The following ADCY8 variants were observed in gnomAD, a reference collection of about 807,000 sequenced individuals.
ADCY8 encodes the protein adenylate cyclase 8, also known as adenylate cyclase type 8.
A neutral mutation model predicts 119.7 loss-of-function variants in ADCY8; 51 were observed. The ratio of observed to expected loss-of-function variants is 0.43; its 90% CI spans 0.34 to 0.54. The LOEUF is 0.54. Among genes scored for constraint, ADCY8 ranks in the 20% least tolerant of loss-of-function variants. ADCY8 has a pLI of 0.03. For missense variants in ADCY8, 1,383 were observed against 1,598.8 expected (o/e 0.87, Z 2.30); for synonymous variants, 665 against 651.0 (o/e 1.02, Z -0.33).
intron 13 of ADCY8, 124 bp downstream of exon 13, chr8:130,821,218 C>A: frequency 2.8e-6 from 2 of 702,388 alleles, no homozygotes; most frequent in South Asian, 3.9e-5. Flanking sequence ...GGAATTGATT[C>A]TTTAAGAACC....
chr8:130,858,325 T>C (rs11989229), intron 9 of ADCY8, among the ~76,000 whole-genome samples: 60,537 of 152,010 alleles, frequency 0.4, 12,545 homozygotes, highest in African/African-American at 0.51. Context: ...TATGTCTCCT[T>C]AGGTGCCTCC....
intron 9 of ADCY8, among the ~76,000 whole-genome samples, chr8:130,867,094 A>G (rs934481608): frequency 6.6e-6 from 1 of 152,166 alleles, no homozygotes; most frequent in African/African-American, 2.4e-5. Context: ...GGAGAAGGCA[A>G]TTTAGCTGAG....
At chr8:130,985,372 T>G (rs1293578152) in intron 2 of ADCY8, among the ~76,000 whole-genome samples, 1 of 152,064 alleles carries the variant, frequency 6.6e-6, no homozygotes, top group African/African-American at 2.4e-5. Flanking sequence ...AACAAAGGCA[T>G]GAGTGTAGAG....
At chr8:131,034,128 C>T (rs904133160) in intron 1 of ADCY8, among the ~76,000 whole-genome samples, 18 of 151,906 alleles carry the variant, frequency 1.2e-4, no homozygotes, top group Admixed American at 4.6e-4. Flanking sequence ...CAAATGAGTA[C>T]GTACCTTGAT....
intron 11 of ADCY8, among the ~76,000 whole-genome samples, chr8:130,839,756 G>C (rs1431200482): frequency 7.2e-6 from 1 of 139,804 alleles, no homozygotes; most frequent in Non-Finnish European, 1.6e-5. Context: ...TGGGTATAAG[G>C]GGCTCATAGG....
Position 130,846,880 on chromosome 8 carries a change from CCCTTCCCTTTCCTT to C in ADCY8, c.2502+530_2502+543del, listed in dbSNP as rs1235814218. On this transcript the variant is annotated intron_variant, in intron 11 of 17. Coordinates refer to ENST00000286355, the MANE Select transcript of ADCY8 (RefSeq NM_001115.3). ...CCCCTCCCCTCCCTTCCCTTCCCTT[CCCTTCCCTTTCCTT>C]CCTTCCTTCCTTCCTTCCTTCCTTC... Among the ~76,000 whole-genome samples the C allele has an allele frequency of 5.9e-4, 14 of 23,812 alleles. 1 individual carries two copies. The highest frequency in any genetic ancestry group is 3.2e-3 in the African/African-American group (13 of 4,080). 15.6% of individuals were successfully genotyped at this position (23,812 alleles called of 152,430 possible). A position where few individuals can be genotyped will look rare whatever the true frequency, so the allele number is the denominator to read the frequency against.
intron 2 of ADCY8, among the ~76,000 whole-genome samples, chr8:130,987,624 A>T (rs962074284): frequency 4.6e-5 from 7 of 152,188 alleles, no homozygotes; most frequent in African/African-American, 1.7e-4. Flanking sequence ...TAGGATCATT[A>T]TCCAAGGAAA....
intron 2 of ADCY8, among the ~76,000 whole-genome samples, chr8:130,968,361 C>T (rs1383093371): frequency 2.0e-5 from 3 of 151,962 alleles, no homozygotes; most frequent in Non-Finnish European, 2.9e-5. Context: ...TTAGTAGAGA[C>T]GGGGTTCCAC....
intron 2 of ADCY8, among the ~76,000 whole-genome samples, chr8:130,968,480 G>T (rs1821830876): frequency 6.6e-6 from 1 of 152,092 alleles, no homozygotes; most frequent in Non-Finnish European, 1.5e-5. Context: ...CAGTTATTCT[G>T]CTTTTTATCA....
intron 1 of ADCY8, among the ~76,000 whole-genome samples, chr8:131,036,690 G>A (rs1430323847): frequency 6.6e-6 from 1 of 152,162 alleles, no homozygotes; most frequent in Admixed American, 6.5e-5. Context: ...GCATTTGAGA[G>A]TCTGGAACAA....
At chr8:131,021,315 A>C (rs1425620282) in intron 1 of ADCY8, among the ~76,000 whole-genome samples, 1 of 152,096 alleles carries the variant, frequency 6.6e-6, no homozygotes, top group African/African-American at 2.4e-5. Flanking sequence ...TATGGCTTCC[A>C]TCTCTCCTCA....
chr8:130,936,583 A>G (rs1820794229), intron 5 of ADCY8, among the ~76,000 whole-genome samples: 1 of 152,136 alleles, frequency 6.6e-6, no homozygotes, highest in Admixed American at 6.6e-5. Flanking sequence ...AGATCCTGTC[A>G]ATGTCCACCC....
Position 130,909,884 on chromosome 8 carries a change from T to A in ADCY8, c.1482-18A>T. The A allele has an allele frequency of 6.2e-7, 1 of 1,613,354 alleles. No homozygotes were observed. Among genetic ancestry groups the A allele is most frequent in the Non-Finnish European group, 8.5e-7 (1 of 1,179,668 alleles). On this transcript the variant is annotated intron_variant, in intron 5 of 17. Transcript: ENST00000286355. Reference sequence around the variant, plus strand: ...GCACATACCTGTTGACATAGGTAAATGGAGAGACACATGTATAAGACCAGA... The same window carrying A: ...GCACATACCTGTTGACATAGGTAAAAGGAGAGACACATGTATAAGACCAGA...
intron 8 of ADCY8, 66 bp downstream of exon 8, chr8:130,884,498 T>C: frequency 6.4e-7 from 1 of 1,551,900 alleles, no homozygotes; most frequent in Non-Finnish European, 8.9e-7. Context: ...GGGCTCTCTC[T>C]CTAGTCCCAT....
At chr8:130,813,629 C>T (rs182133900) in intron 14 of ADCY8, among the ~76,000 whole-genome samples, 13 of 152,178 alleles carry the variant, frequency 8.5e-5, no homozygotes, top group Admixed American at 3.3e-4. Flanking sequence ...TTTATCTATT[C>T]GTCCATCAGT....
chr8:130,819,361 C>T (rs754606416), intron 13 of ADCY8, among the ~76,000 whole-genome samples: 3 of 152,204 alleles, frequency 2.0e-5, no homozygotes, highest in Non-Finnish European at 2.9e-5. Context: ...CATACCCGTA[C>T]TTTACCTATA....
chr8:130,920,647 G>A (rs922792971), intron 5 of ADCY8, among the ~76,000 whole-genome samples: 20 of 152,230 alleles, frequency 1.3e-4, no homozygotes, highest in African/African-American at 4.8e-4. Context: ...GAGGAACACT[G>A]TGATTTTTAA....
chr8:130,987,158 C>T (rs1822426412), intron 2 of ADCY8, among the ~76,000 whole-genome samples: 1 of 152,154 alleles, frequency 6.6e-6, no homozygotes, highest in Non-Finnish European at 1.5e-5. Flanking sequence ...TTTCTCTCTT[C>T]CTTTAAGATT....
intron 14 of ADCY8, among the ~76,000 whole-genome samples, chr8:130,811,632 C>T (rs1488205716): frequency 6.6e-6 from 1 of 152,216 alleles, no homozygotes; most frequent in African/African-American, 2.4e-5. Context: ...GGTTAGCTTT[C>T]CCAAGTTAAA....
Sources: gnomAD v4.1 joint callset for allele counts (sites outside exome capture counted in the v4.1 genomes callset) on GRCh38, gnomAD v4.1.1 for gene constraint, MANE v1.5 for transcripts, NCBI Gene and HGNC (gene_info 2026-07-23, HGNC 2026-07-21) for gene names.